The following TSHZ2 variants were observed in gnomAD, a reference collection of about 807,000 sequenced individuals.
TSHZ2 encodes teashirt zinc finger homeobox 2, also known as teashirt homolog 2.
Under a neutral mutation model 74.4 loss-of-function variants are expected in TSHZ2, and 21 were observed. The ratio of observed to expected loss-of-function variants is 0.28; its 90% confidence interval spans 0.20 to 0.41. The LOEUF is 0.41. TSHZ2 is among the 10% of genes least tolerant of loss of function. The pLI is 1.00. For missense variants in TSHZ2, 1,244 were observed against 1,293.5 expected (o/e 0.96, Z 0.59); for synonymous variants, 540 against 515.3 (o/e 1.05, Z -0.65).
chr20:53,269,811 A>AAAAAG (rs1990797129), intron 2 of TSHZ2, among the ~76,000 whole-genome samples: 1 of 152,026 alleles, frequency 6.6e-6, no homozygotes, highest in African/African-American at 2.4e-5. Context: ...AAAAAAAGAA[A>AAAAAG]AGAAAATCCA....
rs112107267 is a variant in TSHZ2 at position 53,164,588 on chromosome 20, C to T, written c.41-88911C>T. Among the ~76,000 whole-genome samples, 1,492 of 152,248 alleles carry T rather than the reference C, an allele frequency of 9.8e-3. 20 individuals are homozygous for T. Among genetic ancestry groups the T allele is most frequent in the African/African-American group, 0.034 (1,396 of 41,538 alleles). ...GCACTAGGCATCTGTGGCTGCTGGG[C>T]CCTGTTAGCTAGTGCAACTAAGAAA... On this transcript the variant is annotated intron_variant, in intron 1 of 2. Coordinates refer to ENST00000371497, the MANE Select transcript of TSHZ2 (RefSeq NM_173485.6).
intron 1 of TSHZ2, among the ~76,000 whole-genome samples, chr20:53,227,313 C>T (rs906609061): frequency 6.6e-6 from 1 of 151,998 alleles, no homozygotes; most frequent in African/African-American, 2.4e-5. Flanking sequence ...TTTGTATAAA[C>T]ATATTTGGTG....
intron 1 of TSHZ2, among the ~76,000 whole-genome samples, chr20:53,166,531 G>A (rs1394788221): frequency 6.6e-6 from 1 of 152,170 alleles, no homozygotes; most frequent in Non-Finnish European, 1.5e-5. Context: ...AGCACTTTGG[G>A]AGGCTGAGGT....
intron 2 of TSHZ2, among the ~76,000 whole-genome samples, chr20:53,348,312 G>A (rs1242708701): frequency 6.6e-6 from 1 of 152,244 alleles, no homozygotes; most frequent in Non-Finnish European, 1.5e-5. Flanking sequence ...GGAATGAAGT[G>A]TGGATACATG....
intron 1 of TSHZ2, among the ~76,000 whole-genome samples, chr20:53,215,207 G>A (rs905433996): frequency 2.6e-5 from 4 of 152,152 alleles, no homozygotes; most frequent in South Asian, 2.1e-4. Flanking sequence ...ACTTTTCCAC[G>A]TGGCAAACAC....
chr20:53,105,151 G>A (rs1024207143), intron 1 of TSHZ2, among the ~76,000 whole-genome samples: 1 of 152,216 alleles, frequency 6.6e-6, no homozygotes, highest in African/African-American at 2.4e-5. Flanking sequence ...ACGAGAGTCT[G>A]TCTTCAGAGC....
intron 1 of TSHZ2, among the ~76,000 whole-genome samples, chr20:53,139,164 A>G (rs1436215816): frequency 6.6e-6 from 1 of 151,990 alleles, no homozygotes; most frequent in Admixed American, 6.5e-5. Context: ...TTCACATAAC[A>G]CTCACAAGAC....
chr20:53,294,961 G>A (rs1189774728), intron 2 of TSHZ2, among the ~76,000 whole-genome samples: 8 of 152,186 alleles, frequency 5.3e-5, no homozygotes, highest in Non-Finnish European at 1.0e-4. Flanking sequence ...CCAGTGGAGT[G>A]TTCCCTTGGA....
intron 1 of TSHZ2, among the ~76,000 whole-genome samples, chr20:53,222,049 A>G (rs545607838): frequency 6.6e-6 from 1 of 152,168 alleles, no homozygotes; most frequent in Non-Finnish European, 1.5e-5. Flanking sequence ...AAGTATTTGG[A>G]TGGCTAATGG....
At chr20:53,411,413 G>C (rs1983050447) in intron 2 of TSHZ2, among the ~76,000 whole-genome samples, 1 of 152,170 alleles carries the variant, frequency 6.6e-6, no homozygotes, top group African/African-American at 2.4e-5. Flanking sequence ...GGAAACAGTG[G>C]TTAAGAGCAG....
intron 2 of TSHZ2, among the ~76,000 whole-genome samples, chr20:53,289,580 T>G (rs952742790): frequency 2.0e-5 from 3 of 152,248 alleles, no homozygotes; most frequent in Non-Finnish European, 4.4e-5. Flanking sequence ...GCTGAGCATT[T>G]TTCCGTATGT....
Position 53,361,013 on chromosome 20 carries a change from G to C in TSHZ2, c.*8+104442G>C, listed in dbSNP as rs7264560. ...TTTTCTTTTGAACCAGTGAAGCACA[G>C]GAAAAATCCACACGTGCTGAATTCT... On this transcript the variant is annotated intron_variant, in intron 2 of 2. Transcript: ENST00000371497. Among the ~76,000 whole-genome samples, 1,424 of 152,264 alleles carry C rather than the reference G, an allele frequency of 9.4e-3. 20 individuals are homozygous for C. The highest frequency in any genetic ancestry group is 0.033 in the African/African-American group (1,367 of 41,552).
chr20:53,340,177 C>CTTTTTTTTTT lies in TSHZ2; in HGVS notation c.*8+83612_*8+83613insTTTTTTTTTT, dbSNP rs74177489. 6.7e-3 allele frequency among the ~76,000 whole-genome samples: 633 copies of CTTTTTTTTTT among 93,878 alleles called. 25 individuals are homozygous for CTTTTTTTTTT. The highest frequency in any genetic ancestry group is 8.9e-3 in the Non-Finnish European group (450 of 50,510). The allele number at this position is 93,878 out of a possible 152,430, so 61.6% of individuals were successfully genotyped here. On this transcript the variant is annotated intron_variant, in intron 2 of 2. Transcript: ENST00000371497. ...GGATAAAACAAGGTGACTTTTCTTT[C>CTTTTTTTTTT]TTTTTTCTTTTTTTTTTTTTTTTGA...
At chr20:53,269,509 G>T (rs1011697809) in intron 2 of TSHZ2, among the ~76,000 whole-genome samples, 5 of 152,216 alleles carry the variant, frequency 3.3e-5, no homozygotes, top group African/African-American at 4.8e-5. Flanking sequence ...GCTAAGCCAT[G>T]CTTGGGAAGA....
At chr20:53,221,501 T>C (rs556879005) in intron 1 of TSHZ2, among the ~76,000 whole-genome samples, 3 of 152,274 alleles carry the variant, frequency 2.0e-5, no homozygotes, top group Admixed American at 6.5e-5. Context: ...GGAAAATGGA[T>C]TGCTAGAGAA....
chr20:53,028,123 A>G (rs180878711), intron 1 of TSHZ2, among the ~76,000 whole-genome samples: 17 of 152,260 alleles, frequency 1.1e-4, no homozygotes, highest in Middle Eastern at 3.4e-3. Context: ...CTTGGGCTCA[A>G]TTTGTTGGGA....
intron 2 of TSHZ2, among the ~76,000 whole-genome samples, chr20:53,351,777 G>T (rs1374831717): frequency 1.3e-5 from 2 of 152,166 alleles, no homozygotes; most frequent in African/African-American, 4.8e-5. Context: ...TTCCCCAGGT[G>T]GTAGCAAAAA....
At chr20:53,017,550 A>AT (rs549141277) in intron 1 of TSHZ2, among the ~76,000 whole-genome samples, 19 of 105,372 alleles carry the variant, frequency 1.8e-4, no homozygotes, top group African/African-American at 7.8e-4. Context: ...GCTTAACTGA[A>AT]TTTTTAAGTT....
At chr20:53,432,045 T>C (rs1401735906) in intron 2 of TSHZ2, among the ~76,000 whole-genome samples, 3 of 152,288 alleles carry the variant, frequency 2.0e-5, no homozygotes, top group East Asian at 1.9e-4. Context: ...ATGAATTATA[T>C]AGTAGTCAAG....
Sources: gnomAD v4.1 joint callset for allele counts (sites outside exome capture counted in the v4.1 genomes callset) on GRCh38, gnomAD v4.1.1 for gene constraint, MANE v1.5 for transcripts, NCBI Gene and HGNC (gene_info 2026-07-23, HGNC 2026-07-21) for gene names.